Variants in CAPN14 observed in about 807,000 individuals in gnomAD.
CAPN14 encodes calpain-14.
A neutral mutation model predicts 101.3 loss-of-function variants in CAPN14; 94 were observed. The ratio of observed to expected loss-of-function variants is 0.93; its 90% CI spans 0.79 to 1.10. The LOEUF is 1.10. Among genes scored for constraint, CAPN14 ranks in the 50% least tolerant of loss-of-function variants. The pLI is 0.00. For missense variants in CAPN14, 837 were observed against 828.4 expected, an observed-to-expected ratio of 1.01 and a Z score of -0.13; for synonymous variants, 338 against 317.9, an observed-to-expected ratio of 1.06 and a Z score of -0.67.
chr2:31,229,801 C>T (rs1473512673), intron 1 of CAPN14, among the ~76,000 whole-genome samples: 1 of 152,078 alleles, frequency 6.6e-6, no homozygotes, highest in East Asian at 1.9e-4. Context: ...CAGAGAACAC[C>T]CCATTCCTGA....
chr2:31,214,057 C>G (rs946744079), intron 1 of CAPN14, among the ~76,000 whole-genome samples: 1 of 152,080 alleles, frequency 6.6e-6, no homozygotes, highest in Non-Finnish European at 1.5e-5. Flanking sequence ...TGAATGTGGC[C>G]CAACTATGAG....
intron 1 of CAPN14, among the ~76,000 whole-genome samples, chr2:31,214,113 C>T (rs1263220694): frequency 6.6e-6 from 1 of 152,136 alleles, no homozygotes; most frequent in Non-Finnish European, 1.5e-5. Context: ...TCTGTATTCC[C>T]AGATGTGATC....
At chr2:31,175,749 T>C (rs763404005) in intron 21 of CAPN14, among the ~76,000 whole-genome samples, 7 of 152,158 alleles carry the variant, frequency 4.6e-5, no homozygotes, top group East Asian at 1.9e-4. Context: ...AAAATGGACA[T>C]TTGAGATCAA....
upstream of CAPN14, among the ~76,000 whole-genome samples, chr2:31,218,112 C>T (rs1228434154): frequency 6.6e-6 from 1 of 152,126 alleles, no homozygotes; most frequent in African/African-American, 2.4e-5. Flanking sequence ...GAACATTGAC[C>T]TCCCACTGGT....
chr2:31,228,074 A>C (rs1273109313), intron 1 of CAPN14, among the ~76,000 whole-genome samples: 2 of 152,238 alleles, frequency 1.3e-5, no homozygotes, highest in Non-Finnish European at 2.9e-5. Context: ...AGCAGGAAGC[A>C]GCTGTGGGAG....
intron 5 of CAPN14, among the ~76,000 whole-genome samples, chr2:31,201,380 T>C (rs1008231162): frequency 6.6e-6 from 1 of 152,100 alleles, no homozygotes; most frequent in Non-Finnish European, 1.5e-5. Flanking sequence ...CCCCTGATGA[T>C]CAGGCCGCCC....
At chr2:31,190,137 T>TTCTCTCTCTCTCTCTCTCTCTCTCTC (rs3031867) in intron 12 of CAPN14, among the ~76,000 whole-genome samples, 3 of 142,770 alleles carry the variant, frequency 2.1e-5, no homozygotes, top group South Asian at 2.3e-4. Context: ...CTGATTCATA[T>TTCTCTCTCTCTCTCTCTCTCTCTCTC]TCTCTCTCTC....
At chr2:31,178,912 A>G (rs1284571318) in intron 17 of CAPN14, among the ~76,000 whole-genome samples, 1 of 152,028 alleles carries the variant, frequency 6.6e-6, no homozygotes, top group African/African-American at 2.4e-5. Flanking sequence ...TTGTTAGTGG[A>G]GTACCAGTAG....
chr2:31,174,837 A>C, intron 21 of CAPN14, 130 bp from the exon 22 acceptor site: 1 of 789,148 alleles, frequency 1.3e-6, no homozygotes, highest in Non-Finnish European at 2.1e-6. Flanking sequence ...GGAGCATATC[A>C]TCCATTAGGA....
chr2:31,206,491 G>A (rs1177435019), intron 1 of CAPN14, among the ~76,000 whole-genome samples: 1 of 152,198 alleles, frequency 6.6e-6, no homozygotes, highest in African/African-American at 2.4e-5. Flanking sequence ...GACCTCAAGT[G>A]ATCTACCCGC....
chr2:31,201,954 A>T lies in CAPN14; in HGVS notation c.459T>A (p.Arg153=), dbSNP rs914261381. 89 of 1,551,634 alleles carry T rather than the reference A, an allele frequency of 5.7e-5. No homozygotes were observed. The Admixed American group carries it at 1.7e-3, about 29-fold the overall frequency. Residue 153 remains arginine (R), a synonymous_variant, in exon 5 of 22, where the codon CGT becomes CGA. Transcript: ENST00000403897. ...GCTGGCCAGCCTCATTCACAGGCAG[A>T]CGGTCATCGATCACCACAGGAACCC... ...GNWVPVVIDD[R]LPVNEAGQLV...
upstream of CAPN14, among the ~76,000 whole-genome samples, chr2:31,221,382 C>G (rs1033036655): frequency 6.6e-6 from 1 of 152,138 alleles, no homozygotes; most frequent in Non-Finnish European, 1.5e-5. Context: ...TATTTTCTGC[C>G]TCTATTTTAA....
At chr2:31,216,688 C>T (rs1390612274) in intron 1 of CAPN14, among the ~76,000 whole-genome samples, 1 of 152,116 alleles carries the variant, frequency 6.6e-6, no homozygotes, top group African/African-American at 2.4e-5. Flanking sequence ...AAAACATTGT[C>T]ACCCTGTGCC....
At chr2:31,232,126 G>A (rs749850274) in intron 1 of CAPN14, among the ~76,000 whole-genome samples, 4 of 152,126 alleles carry the variant, frequency 2.6e-5, no homozygotes, top group Non-Finnish European at 5.9e-5. Context: ...TCCTCTTGAA[G>A]CTCCTGCAGG....
intron 1 of CAPN14, among the ~76,000 whole-genome samples, chr2:31,216,619 C>A (rs545100185): frequency 6.6e-6 from 1 of 152,236 alleles, no homozygotes; most frequent in East Asian, 1.9e-4. Flanking sequence ...CAAAGACACC[C>A]CTCACCCTAT....
chr2:31,200,715 G>A (rs1156395367), intron 5 of CAPN14, 90 bp from the exon 6 acceptor site: 12 of 1,266,456 alleles, frequency 9.5e-6, no homozygotes, highest in Non-Finnish European at 7.5e-6. Context: ...TTAAATAGGA[G>A]TCTAGTTTTC....
At chr2:31,189,552 G>T in intron 12 of CAPN14, 74 bp from the exon 13 acceptor site, 2 of 1,247,238 alleles carry the variant, frequency 1.6e-6, no homozygotes, top group South Asian at 1.3e-5. Flanking sequence ...GGCCCTCAAA[G>T]CTCTGAGCCA....
intron 1 of CAPN14, among the ~76,000 whole-genome samples, chr2:31,215,979 C>T (rs1359843633): frequency 6.6e-6 from 1 of 151,802 alleles, no homozygotes; most frequent in Non-Finnish European, 1.5e-5. Flanking sequence ...AAGACATGTA[C>T]AAGAATACTC....
chr2:31,225,757 T>A (rs1311884687), intron 2 of CAPN14, among the ~76,000 whole-genome samples: 5 of 152,102 alleles, frequency 3.3e-5, no homozygotes, highest in Admixed American at 2.0e-4. Flanking sequence ...ACTGGTGGTA[T>A]GGTGTTGACT....
Sources: gnomAD v4.1 joint callset for allele counts (sites outside exome capture counted in the v4.1 genomes callset) on GRCh38, gnomAD v4.1.1 for gene constraint, MANE v1.5 for transcripts, NCBI Gene and HGNC (gene_info 2026-07-23, HGNC 2026-07-21) for gene names.